MAPK8IP2: variants seen among roughly 807,000 people sequenced by gnomAD.
MAPK8IP2 encodes C-Jun-amino-terminal kinase-interacting protein 2.
A neutral mutation model predicts 75.6 loss-of-function variants in MAPK8IP2; 15 were observed. That is an observed-to-expected ratio of 0.20 (90% CI 0.13 to 0.31). The LOEUF (loss-of-function observed/expected upper bound fraction) is 0.31, where lower values mean the gene tolerates loss of function less well. MAPK8IP2 is among the 10% of genes least tolerant of loss of function. MAPK8IP2 has a pLI of 1.00. For missense variants in MAPK8IP2, 1,089 were observed against 1,211.2 expected (o/e 0.90, Z 1.50); for synonymous variants, 632 against 554.5 (o/e 1.14, Z -1.96).
intron 2 of MAPK8IP2, 147 bp downstream of exon 2, chr22:50,602,041 G>A: frequency 1.5e-6 from 1 of 645,364 alleles, no homozygotes; most frequent in Non-Finnish European, 2.8e-6. Context: ...TAACCCTTGA[G>A]GTTTCCTTGG....
At position 50,604,095 on chromosome 22, in the gene MAPK8IP2, C is replaced by A; in HGVS notation, c.796C>A (p.Arg266Ser). 1 of 1,549,024 alleles carries A rather than the reference C, an allele frequency of 6.5e-7. No individual in the cohort carries two copies. The highest frequency in any genetic ancestry group is 8.6e-7 in the Non-Finnish European group (1 of 1,156,188). ...GGACGCGGGCGGCGCGCGCCTGGGG[C>A]GCATGATCTCGTCCATCTCGGAGAC... ...SEDAGGARLGRMISSISETEL... is the reference protein window; with the variant it reads ...SEDAGGARLGSMISSISETEL... Residue 266 changes from arginine to serine, a missense_variant, in exon 5 of 12, where the codon CGC (arginine) becomes AGC (serine). Arg to Ser is a moderately radical substitution (Grantham distance 110). Transcript: ENST00000329492.
intron 5 of MAPK8IP2, 143 bp from the exon 6 acceptor site, chr22:50,605,225 C>G (rs1429008424): frequency 9.1e-7 from 1 of 1,095,144 alleles, no homozygotes; most frequent in Non-Finnish European, 1.3e-6. Flanking sequence ...AGGTGGCCTG[C>G]TCTGCCTCAG....
rs759058735 is a variant in MAPK8IP2, at chr22:50,606,779, G to A, written c.2232+14G>A. 6.4e-7 allele frequency: 1 copy of A among 1,573,982 alleles called. No homozygotes were observed. The highest frequency in any genetic ancestry group is 8.6e-7 in the Non-Finnish European group (1 of 1,159,190). ...GGAGGGCCCGAGGTGGGAGTGTGGGGGACTGGGGACCGGGGACTGGGGGAT... is the reference window on the plus strand; with the variant it reads ...GGAGGGCCCGAGGTGGGAGTGTGGGAGACTGGGGACCGGGGACTGGGGGAT... On this transcript the variant is annotated intron_variant, in intron 9 of 11. Coordinates refer to ENST00000329492, the MANE Select transcript of MAPK8IP2 (RefSeq NM_012324.6).
In MAPK8IP2 at chr22:50,604,676, G is replaced by A. The variant is rs1225298057; in HGVS notation, c.1377G>A (p.Pro459=). Residue 459 remains proline, a synonymous_variant, in exon 5 of 12, where the codon CCG becomes CCA. Coordinates refer to ENST00000329492, the MANE Select transcript of MAPK8IP2 (RefSeq NM_012324.6). ...CCGCGCCCGGCCGCGCCGCCCGCCCGGGACGAGCCTGCTCCGCCGCCTGCT... is the reference window on the plus strand; with the variant it reads ...CCGCGCCCGGCCGCGCCGCCCGCCCAGGACGAGCCTGCTCCGCCGCCTGCT... ...LWAAPGRAAR[P]GRACSAACSE... is the part of the protein sequence containing the mutation. 1.3e-5 allele frequency: 20 copies of A among 1,520,730 alleles called. No individual in the cohort carries two copies. Among genetic ancestry groups the A allele is most frequent in the Non-Finnish European group, 1.8e-5 (20 of 1,139,122 alleles). 94.2% of individuals were successfully genotyped at this position (1,520,730 alleles called of 1,614,324 possible).
Position 50,606,006 on chromosome 22 carries a change from C to T in MAPK8IP2, c.2124+72C>T, listed in dbSNP as rs891182482. 4.8e-6 allele frequency: 6 copies of T among 1,246,388 alleles called. No individual in the cohort carries two copies. The African/African-American group carries it at 8.9e-5, about 19-fold the overall frequency. 77.2% of individuals were successfully genotyped at this position (1,246,388 alleles called of 1,614,324 possible). A position where few individuals can be genotyped will look rare whatever the true frequency, so the allele number is the denominator to read the frequency against. Reference sequence around the variant, plus strand: ...GCCACACCAGCACTGCAGGCTGGCACAGGGCTTGAGGCTCCAAGGTCTGAG... The same window carrying T: ...GCCACACCAGCACTGCAGGCTGGCATAGGGCTTGAGGCTCCAAGGTCTGAG... On this transcript the variant is annotated intron_variant, in intron 8 of 11. Coordinates refer to ENST00000329492, the MANE Select transcript of MAPK8IP2 (RefSeq NM_012324.6).
At chr22:50,608,550 T>A in intron 10 of MAPK8IP2, among the ~76,000 whole-genome samples, 1 of 91,208 alleles carries the variant, frequency 1.1e-5, no homozygotes, top group East Asian at 3.7e-4. Flanking sequence ...GGTGGGACAG[T>A]GGGCAGGGGC....
In MAPK8IP2 at chr22:50,609,781, AG is replaced by A. The variant is rs779392166; in HGVS notation, c.2304-427del. The A allele has an allele frequency of 2.7e-5, 14 of 518,516 alleles. No individual in the cohort carries two copies. In the African/African-American group the frequency reaches 2.7e-4, roughly 10 times the overall value. The allele number at this position is 518,516 out of a possible 1,614,324, so 32.1% of individuals were successfully genotyped here. Reference sequence around the variant, plus strand: ...AGACCGGAAGAGGGTTTTACAGACCAGGGGTAACGTCCAGCCCCACCTCGGA... The same window carrying A: ...AGACCGGAAGAGGGTTTTACAGACCAGGGTAACGTCCAGCCCCACCTCGGA... On this transcript the variant is annotated intron_variant, in intron 10 of 11. Transcript: ENST00000329492.
chr22:50,603,253 C>A lies in MAPK8IP2; in HGVS notation c.202C>A (p.Pro68Thr), dbSNP rs528273691. Residue 68 changes from proline to threonine, a missense_variant, in exon 3 of 12, where the codon CCG (proline) becomes ACG (threonine). Physicochemically the swap from Pro to Thr is conservative, Grantham distance 38. This residue lies in a region of MAPK8IP2 where 960 missense variants were observed against 1,009.6 expected (regional missense o/e 0.95). Transcript: ENST00000329492. Reference sequence around the variant, plus strand: ...CCTCTCCCTGGGGCGCTCGGAGCAGCCGCACCCCATCTGCTCCTTCCAGGA... The same window carrying A: ...CCTCTCCCTGGGGCGCTCGGAGCAGACGCACCCCATCTGCTCCTTCCAGGA... The part of the protein sequence containing the change: ...DSLSLGRSEQ[P>T]HPICSFQDDF... The A allele has an allele frequency of 6.2e-7, 1 of 1,605,700 alleles. No individual in the cohort carries two copies. Among genetic ancestry groups the A allele is most frequent in the East Asian group, 2.2e-5 (1 of 44,616 alleles).
chr22:50,604,859 G>A lies in MAPK8IP2; in HGVS notation c.1560G>A (p.Gln520=). Residue 520 remains glutamine, a synonymous_variant, in exon 5 of 12, where the codon CAG becomes CAA. Coordinates refer to ENST00000329492, the MANE Select transcript of MAPK8IP2 (RefSeq NM_012324.6). ...KYTLVVDEHT[Q]LELVSLRRCA... ...CGCTGGTGGTGGATGAGCACACGCA[G>A]CTGGAGCTGGTGAGCCTGCGGCGCT... The A allele has an allele frequency of 3.1e-6, 5 of 1,598,326 alleles. No individual in the cohort carries two copies. Among genetic ancestry groups the A allele is most frequent in the African/African-American group, 1.3e-5 (1 of 74,798 alleles).
In MAPK8IP2 at chr22:50,610,903, G is replaced by A; in HGVS notation, c.*124G>A. The A allele has an allele frequency of 1.3e-6, 1 of 792,604 alleles. No individual in the cohort carries two copies. The highest frequency in any genetic ancestry group is 2.7e-5 in the Admixed American group (1 of 36,542). 49.1% of individuals were successfully genotyped at this position (792,604 alleles called of 1,614,324 possible). Reference sequence around the variant, plus strand: ...GGGGACATGGGACCTTACGCTTGTGGGGGTCTGCGGGCTGGGAACTCTCGT... The same window carrying A: ...GGGGACATGGGACCTTACGCTTGTGAGGGTCTGCGGGCTGGGAACTCTCGT... On this transcript the variant is annotated 3_prime_UTR_variant, in exon 12 of 12. Transcript: ENST00000329492. The surrounding 1 kb of genome is among the most constrained non-coding windows in gnomAD (Gnocchi z 4.3).
intron 10 of MAPK8IP2, chr22:50,609,751 G>C (rs1241871092): frequency 3.9e-6 from 2 of 516,290 alleles, no homozygotes; most frequent in Admixed American, 2.0e-5. Flanking sequence ...GTGGGAGCGA[G>C]GGGTAGACCG....
In MAPK8IP2 at chr22:50,610,840, T is replaced by C; in HGVS notation, c.*61T>C. 1 of 1,431,112 alleles carries C rather than the reference T, an allele frequency of 7.0e-7. No homozygotes were observed. Among genetic ancestry groups the C allele is most frequent in the Non-Finnish European group, 9.6e-7 (1 of 1,044,420 alleles). 88.7% of individuals were successfully genotyped at this position (1,431,112 alleles called of 1,614,324 possible). On this transcript the variant is annotated 3_prime_UTR_variant, in exon 12 of 12. Coordinates refer to ENST00000329492, the MANE Select transcript of MAPK8IP2 (RefSeq NM_012324.6). The surrounding 1 kb of genome is among the most constrained non-coding windows in gnomAD (Gnocchi z 4.3). ...AGGCGCAGCTGGGGCTGAGGATGTCTCAAGAGGCCACCATGGCTTTGGCAA... is the reference window on the plus strand; with the variant it reads ...AGGCGCAGCTGGGGCTGAGGATGTCCCAAGAGGCCACCATGGCTTTGGCAA...
At position 50,604,508 on chromosome 22, in the gene MAPK8IP2, C is replaced by T; in HGVS notation, c.1209C>T (p.Pro403=). The T allele has an allele frequency of 4.1e-6, 5 of 1,219,188 alleles. No individual in the cohort carries two copies. The highest frequency in any genetic ancestry group is 5.1e-6 in the Non-Finnish European group (5 of 981,844). The allele number at this position is 1,219,188 out of a possible 1,614,324, so 75.5% of individuals were successfully genotyped here. The change falls in exon 5 of 12, where the codon CCC becomes CCT. Residue 403 remains proline, a synonymous_variant. Coordinates refer to ENST00000329492, the MANE Select transcript of MAPK8IP2 (RefSeq NM_012324.6). ...DSQDPEAAAG[P]GGVELVDMET... is the part of the protein sequence containing the mutation. ...AGGACCCCGAGGCGGCCGCGGGGCC[C>T]GGCGGCGTGGAGCTGGTGGACATGG...
chr22:50,608,755 G>A (rs2071094282), intron 10 of MAPK8IP2, among the ~76,000 whole-genome samples: 1 of 146,456 alleles, frequency 6.8e-6, no homozygotes, highest in African/African-American at 2.5e-5. Flanking sequence ...CCAGCTCTGG[G>A]GTCACCGGGA....
Position 50,604,988 on chromosome 22 carries a change from C to T in MAPK8IP2, c.1689C>T (p.Thr563=). The change falls in exon 5 of 12, where the codon ACC becomes ACT. Residue 563 remains threonine (T), a synonymous_variant. Coordinates refer to ENST00000329492, the MANE Select transcript of MAPK8IP2 (RefSeq NM_012324.6). ...GCGGCGGTCAGGTCTCGGGGGACAC[C>T]TCGCCGGACAGCCCTGACCTCACTT... The part of the protein sequence containing the change: ...LLGGGQVSGD[T]SPDSPDLTFS... 3.7e-6 allele frequency: 6 copies of T among 1,612,438 alleles called. No homozygotes were observed. The highest frequency in any genetic ancestry group is 5.1e-6 in the Non-Finnish European group (6 of 1,179,820).
rs368135700 is a variant in MAPK8IP2 at position 50,603,131 on chromosome 22, T to A, written c.172-92T>A. On this transcript the variant is annotated intron_variant, in intron 2 of 11. Coordinates refer to ENST00000329492, the MANE Select transcript of MAPK8IP2 (RefSeq NM_012324.6). ...GAGCTGGAAGGGGCTCTCCTTTGAC[T>A]GATGCTCCCCGATTTCCCTTCTCCT... 3.1e-6 allele frequency: 5 copies of A among 1,603,608 alleles called. No homozygotes were observed. The African/African-American group carries it at 6.7e-5, about 21-fold the overall frequency.
chr22:50,601,852 C>T lies in MAPK8IP2; in HGVS notation c.129C>T (p.Asp43=). ...DDEDLSEITD[D]CGLGLSYDSD... is the part of the protein sequence containing the mutation. Reference sequence around the variant, plus strand: ...AAGATCTGTCTGAGATCACTGATGACTGTGGCCTGGGCCTCAGCTACGACT... The same window carrying T: ...AAGATCTGTCTGAGATCACTGATGATTGTGGCCTGGGCCTCAGCTACGACT... Residue 43 remains aspartate, a synonymous_variant, in exon 2 of 12, where the codon GAC becomes GAT. Transcript: ENST00000329492. 6.2e-7 allele frequency: 1 copy of T among 1,613,958 alleles called. No homozygotes were observed. Among genetic ancestry groups the T allele is most frequent in the Non-Finnish European group, 8.5e-7 (1 of 1,179,860 alleles).
In MAPK8IP2 at chr22:50,604,949, C is replaced by G; in HGVS notation, c.1650C>G (p.Gly550=). ...GGGAGGCCAGCGAGGAGGAGGCGGGCGCGGCGCTGCTAGGCGGCGGTCAGG... is the reference window on the plus strand; with the variant it reads ...GGGAGGCCAGCGAGGAGGAGGCGGGGGCGGCGCTGCTAGGCGGCGGTCAGG... ...SGGEASEEEA[G]AALLGGGQVS... The change falls in exon 5 of 12, where the codon GGC becomes GGG. Residue 550 remains glycine (G), a synonymous_variant. Transcript: ENST00000329492. 6.2e-7 allele frequency: 1 copy of G among 1,610,974 alleles called. No individual in the cohort carries two copies. Among genetic ancestry groups the G allele is most frequent in the Non-Finnish European group, 8.5e-7 (1 of 1,179,314 alleles).
chr22:50,612,940 C>G lies in MAPK8IP2; in HGVS notation c.*2161C>G. The G allele has an allele frequency of 3.2e-5, 1 of 31,070 alleles. No individual in the cohort carries two copies. Among genetic ancestry groups the G allele is most frequent in the Non-Finnish European group, 7.1e-5 (1 of 14,016 alleles). 1.9% of individuals were successfully genotyped at this position (31,070 alleles called of 1,614,324 possible). Reference sequence around the variant, plus strand: ...TGTCTTCAGGTCTCTTTCCCTCCAGCCGGCCCTTAGGACGGCTGTTGGACG... The same window carrying G: ...TGTCTTCAGGTCTCTTTCCCTCCAGGCGGCCCTTAGGACGGCTGTTGGACG... On this transcript the variant is annotated 3_prime_UTR_variant, in exon 12 of 12. Transcript: ENST00000329492.
Sources: allele counts gnomAD v4.1 joint callset (sites outside exome capture counted in the v4.1 genomes callset), GRCh38; gene constraint gnomAD v4.1.1; regional missense constraint gnomAD v4.1.1; non-coding constraint Gnocchi (gnomAD v3.1); transcripts MANE v1.5; gene names NCBI Gene and HGNC (gene_info 2026-07-23, HGNC 2026-07-21).